The following SDK1 variants were observed in gnomAD, a reference collection of about 807,000 sequenced individuals.
SDK1 encodes the protein protein sidekick-1.
A neutral mutation model predicts 245.5 loss-of-function variants in SDK1; 157 were observed. That is an observed-to-expected ratio of 0.64 (90% CI 0.56 to 0.73). The LOEUF is 0.73. SDK1 is among the 30% of genes least tolerant of loss of function. The pLI is 0.00. For missense variants in SDK1, 3,583 were observed against 3,002.3 expected, an observed-to-expected ratio of 1.19 and a Z score of -4.52; for synonymous variants, 1,647 against 1,278.5, an observed-to-expected ratio of 1.29 and a Z score of -6.15.
intron 32 of SDK1, among the ~76,000 whole-genome samples, chr7:4,162,146 G>A (rs573376746): frequency 1.3e-4 from 20 of 152,122 alleles, no homozygotes; most frequent in African/African-American, 1.9e-4. Flanking sequence ...GTCTGAGAGC[G>A]TTGGAGGAAC....
chr7:4,120,847 C>T (rs1784012247), intron 25 of SDK1, among the ~76,000 whole-genome samples: 3 of 151,656 alleles, frequency 2.0e-5, no homozygotes, highest in Admixed American at 6.6e-5. Context: ...AACTCCTGAC[C>T]TCAAGTTATC....
chr7:4,102,748 C>G (rs898035515), intron 22 of SDK1, among the ~76,000 whole-genome samples: 8 of 152,098 alleles, frequency 5.3e-5, no homozygotes, highest in African/African-American at 1.9e-4. Context: ...AGCCTCCTGG[C>G]CCACTGGCGC....
At chr7:3,705,064 A>C (rs1040846422) in intron 4 of SDK1, among the ~76,000 whole-genome samples, 2 of 152,180 alleles carry the variant, frequency 1.3e-5, no homozygotes, top group African/African-American at 4.8e-5. Flanking sequence ...CTTTTGTATC[A>C]GTACCATGCT....
intron 4 of SDK1, among the ~76,000 whole-genome samples, chr7:3,648,744 T>C (rs1264524073): frequency 6.6e-6 from 1 of 152,224 alleles, no homozygotes; most frequent in Admixed American, 6.5e-5. Flanking sequence ...TTTATAGGCA[T>C]TTTGTGAATG....
At chr7:3,608,512 C>T (rs191677552) in intron 1 of SDK1, among the ~76,000 whole-genome samples, 13 of 152,146 alleles carry the variant, frequency 8.5e-5, no homozygotes, top group Non-Finnish European at 2.9e-5. Context: ...AAATTGAGCT[C>T]ATAAGTAAAA....
intron 1 of SDK1, among the ~76,000 whole-genome samples, chr7:3,312,897 C>A (rs1266773903): frequency 1.3e-5 from 2 of 152,092 alleles, no homozygotes; most frequent in Non-Finnish European, 1.5e-5. Flanking sequence ...CCGTAGTAAA[C>A]CCCACACAGG....
chr7:3,332,966 G>A (rs917697888), intron 1 of SDK1, among the ~76,000 whole-genome samples: 1 of 152,202 alleles, frequency 6.6e-6, no homozygotes, highest in Non-Finnish European at 1.5e-5. Context: ...TGGGGAACGA[G>A]CCTCTTTGTC....
intron 1 of SDK1, among the ~76,000 whole-genome samples, chr7:3,304,542 G>A (rs1779367728): frequency 6.6e-6 from 1 of 152,156 alleles, no homozygotes; most frequent in African/African-American, 2.4e-5. Flanking sequence ...TGTCCATGGG[G>A]CTGTTTGTTC....
At chr7:3,552,525 C>T (rs1779451280) in intron 1 of SDK1, among the ~76,000 whole-genome samples, 1 of 152,166 alleles carries the variant, frequency 6.6e-6, no homozygotes, top group Non-Finnish European at 1.5e-5. Flanking sequence ...CTCATATATT[C>T]ATTTATGATC....
chr7:4,148,644 C>G (rs553016859), intron 29 of SDK1, among the ~76,000 whole-genome samples: 1 of 152,318 alleles, frequency 6.6e-6, no homozygotes, highest in African/African-American at 2.4e-5. Context: ...CCCCCAAGAC[C>G]CTGCGACCCC....
At chr7:3,930,838 A>G (rs1779951634) in intron 5 of SDK1, among the ~76,000 whole-genome samples, 2 of 152,164 alleles carry the variant, frequency 1.3e-5, no homozygotes, top group Non-Finnish European at 1.5e-5. Context: ...TCTGAGTAAA[A>G]TAAGAGTTGT....
intron 40 of SDK1, among the ~76,000 whole-genome samples, chr7:4,222,251 A>G (rs551954221): frequency 5.9e-5 from 9 of 152,144 alleles, no homozygotes. Context: ...CCCCCACCAA[A>G]TTGCTTTTGA....
chr7:3,970,677 C>T (rs184773403), intron 11 of SDK1, among the ~76,000 whole-genome samples: 35 of 152,346 alleles, frequency 2.3e-4, no homozygotes, highest in Non-Finnish European at 4.6e-4. Flanking sequence ...ACTGGGATAA[C>T]GCTTTGGTGG....
chr7:3,885,599 G>T (rs1359595146), intron 5 of SDK1, among the ~76,000 whole-genome samples: 1 of 152,184 alleles, frequency 6.6e-6, no homozygotes. Flanking sequence ...CCTCTTGATG[G>T]TGTGGGAGAA....
At chr7:4,067,757 A>G (rs1779994701) in intron 19 of SDK1, 81 bp from the exon 20 acceptor site, 1 of 991,362 alleles carries the variant, frequency 1.0e-6, no homozygotes. Context: ...TTCCTTCCAT[A>G]GTTAGAACCT....
In SDK1 at chr7:3,335,574, C is replaced by G. The variant is rs148627394; in HGVS notation, c.298+33690C>G. 5.7e-3 allele frequency among the ~76,000 whole-genome samples: 868 copies of G among 152,106 alleles called. 4 individuals are homozygous for G. The highest frequency in any genetic ancestry group is 0.017 in the African/African-American group (720 of 41,490). On this transcript the variant is annotated intron_variant, in intron 1 of 44. Transcript: ENST00000404826. ...GGGACAGGGAAATTATTCTACAGGT[C>G]TTGTCTTAATTGGAAGATTGAAGGA... is the stretch of plus-strand genomic sequence containing the variant.
At chr7:3,439,604 A>G (rs917613482) in intron 1 of SDK1, among the ~76,000 whole-genome samples, 1 of 152,258 alleles carries the variant, frequency 6.6e-6, no homozygotes, top group Non-Finnish European at 1.5e-5. Flanking sequence ...CTGGGATGGC[A>G]TAGTTAATAC....
chr7:3,991,049 G>GGAGACA (rs1784269289), intron 14 of SDK1, among the ~76,000 whole-genome samples: 1 of 152,254 alleles, frequency 6.6e-6, no homozygotes, highest in Non-Finnish European at 1.5e-5. Flanking sequence ...CGAACAGCAA[G>GGAGACA]GAGACAGTCA....
intron 5 of SDK1, among the ~76,000 whole-genome samples, chr7:3,861,140 G>A (rs563953825): frequency 5.9e-5 from 9 of 152,306 alleles, no homozygotes; most frequent in Admixed American, 2.6e-4. Context: ...AGGGAGACAC[G>A]CGTAAGGGTG....
Sources: gnomAD v4.1 joint callset for allele counts (sites outside exome capture counted in the v4.1 genomes callset) on GRCh38, gnomAD v4.1.1 for gene constraint, MANE v1.5 for transcripts, NCBI Gene and HGNC (gene_info 2026-07-23, HGNC 2026-07-21) for gene names.